ACACA: variants seen among roughly 807,000 people sequenced by gnomAD.
ACACA encodes the protein acetyl-CoA carboxylase 1.
Under a neutral mutation model 296.1 loss-of-function variants are expected in ACACA, and 103 were observed. That is an observed-to-expected ratio of 0.35 (90% CI 0.30 to 0.41). The LOEUF is 0.41. ACACA is among the 10% of genes least tolerant of loss of function. The probability of loss-of-function intolerance (pLI) is 1.00; values close to 1 mark genes in which losing one functional copy is unlikely to be tolerated. For synonymous variants in ACACA, 953 were observed against 1,038.6 expected, an observed-to-expected ratio of 0.92 and a Z score of 1.58; for missense variants, 1,554 against 2,989.7, an observed-to-expected ratio of 0.52 and a Z score of 11.20.
chr17:37,326,228 T>C (rs1267230743), intron 3 of ACACA, among the ~76,000 whole-genome samples: 1 of 123,760 alleles, frequency 8.1e-6, no homozygotes, highest in Non-Finnish European at 1.7e-5. Flanking sequence ...AAAAAAAAAA[T>C]GGCCAGGGTC....
chr17:37,190,210 C>T (rs2077695981), intron 38 of ACACA, among the ~76,000 whole-genome samples: 1 of 152,058 alleles, frequency 6.6e-6, no homozygotes, highest in Non-Finnish European at 1.5e-5. Context: ...AGGCAGATTA[C>T]TTGAGGTCAG....
At chr17:37,181,900 CAAAAAAAAAAAA>C (rs61045031) in intron 39 of ACACA, among the ~76,000 whole-genome samples, 701 of 22,250 alleles carry the variant, frequency 0.032, 8 homozygotes, top group African/African-American at 0.085. Context: ...ACTCTGTATC[CAAAAAAAAAAAA>C]AAAAAAAAAA....
At chr17:37,366,747 G>A (rs146992925) in intron 1 of ACACA, among the ~76,000 whole-genome samples, 3,758 of 151,650 alleles carry the variant, frequency 0.025, 58 homozygotes, top group Non-Finnish European at 0.037. Context: ...GATTACACAC[G>A]TGAGCCACTG....
intron 45 of ACACA, among the ~76,000 whole-genome samples, chr17:37,145,000 T>C (rs2075753863): frequency 6.6e-6 from 1 of 152,076 alleles, no homozygotes; most frequent in African/African-American, 2.4e-5. Flanking sequence ...GTGCTCTCTC[T>C]CCCCAAGTCT....
rs182763325 is a variant in ACACA at position 37,259,650 on chromosome 17, C to T, written c.1330-120G>A. Reference sequence around the variant, plus strand: ...AAGAGCCATCAAAAGCTTTTAGCCACATGAGAGCACATTTCTGATTATTAT... The same window carrying T: ...AAGAGCCATCAAAAGCTTTTAGCCATATGAGAGCACATTTCTGATTATTAT... On this transcript the variant is annotated intron_variant, in intron 11 of 55. Transcript: ENST00000616317. The T allele has an allele frequency of 1.2e-3, 1,180 of 982,226 alleles. 4 individuals are homozygous for T. Among genetic ancestry groups the T allele is most frequent in the Middle Eastern group, 2.7e-3 (13 of 4,878 alleles). 60.8% of individuals were successfully genotyped at this position (982,226 alleles called of 1,614,324 possible).
chr17:37,117,760 G>A (rs1026926465), intron 50 of ACACA, among the ~76,000 whole-genome samples: 1 of 150,066 alleles, frequency 6.7e-6, no homozygotes, highest in Non-Finnish European at 1.5e-5. Context: ...TTTACTGCTC[G>A]AATTAGACCT....
intron 8 of ACACA, 108 bp downstream of exon 8, chr17:37,275,843 A>G: frequency 1.1e-6 from 1 of 911,436 alleles, no homozygotes; most frequent in Non-Finnish European, 1.8e-6. Context: ...ATCAACCAGT[A>G]TTCCATTTCT....
intron 1 of ACACA, among the ~76,000 whole-genome samples, chr17:37,340,119 T>C (rs1329604036): frequency 1.3e-5 from 2 of 152,204 alleles, no homozygotes; most frequent in Non-Finnish European, 2.9e-5. Flanking sequence ...TTTCCAATTG[T>C]ATACTCGATG....
Position 37,241,950 on chromosome 17 carries a change from T to C in ACACA, c.3032+3A>G. 6.2e-7 allele frequency: 1 copy of C among 1,611,586 alleles called. No individual in the cohort carries two copies. Among genetic ancestry groups the C allele is most frequent in the Non-Finnish European group, 8.5e-7 (1 of 1,177,778 alleles). On this transcript the variant is annotated splice_donor_region_variant and intron_variant, in intron 23 of 55. Transcript: ENST00000616317. The stretch of plus-strand genomic sequence containing the variant: ...CTGGGAATCTGGAGTTACAAGTTAC[T>C]ACCTCTGTACCAGCTGAACAATGCT...
intron 1 of ACACA, among the ~76,000 whole-genome samples, chr17:37,342,919 T>C (rs36034193): frequency 0.5 from 76,216 of 151,956 alleles, 21,721 homozygotes; most frequent in East Asian, 0.75. Flanking sequence ...CAGAATGAGA[T>C]TTTGTCTCAA....
intron 52 of ACACA, among the ~76,000 whole-genome samples, chr17:37,104,103 C>T (rs918969447): frequency 7.2e-5 from 11 of 152,058 alleles, no homozygotes; most frequent in African/African-American, 1.4e-4. Context: ...AATACACTAA[C>T]GATAGCCAAT....
Position 37,132,175 on chromosome 17 carries a change from G to T in ACACA, c.5680-1957C>A, listed in dbSNP as rs148191187. ...CATTACAAAATAAACTCATAACTTT[G>T]ACATTCTAGCAAATACACGCCGTTT... On this transcript the variant is annotated intron_variant, in intron 45 of 55. Coordinates refer to ENST00000616317, the MANE Select transcript of ACACA (RefSeq NM_198834.3). Among the ~76,000 whole-genome samples the T allele has an allele frequency of 3.7e-3, 562 of 152,230 alleles. 4 individuals are homozygous for T. Among genetic ancestry groups the T allele is most frequent in the Admixed American group, 0.025 (382 of 15,292 alleles).
At chr17:37,163,058 C>T (rs2076525314) in intron 41 of ACACA, 1 of 155,068 alleles carries the variant, frequency 6.4e-6, no homozygotes. Context: ...ACTCCGAGAT[C>T]AAGTTCCCAC....
chr17:37,314,438 T>C (rs538059374), intron 3 of ACACA, among the ~76,000 whole-genome samples: 2 of 152,202 alleles, frequency 1.3e-5, no homozygotes, highest in African/African-American at 4.8e-5. Context: ...TTTCCATTTG[T>C]ACAACTTTAA....
intron 3 of ACACA, chr17:37,289,488 T>C: frequency 7.4e-7 from 1 of 1,352,038 alleles, no homozygotes. Flanking sequence ...TCTTCAACCC[T>C]CTAGGCACCT....
Position 37,144,485 on chromosome 17 carries a change from G to A in ACACA, c.5679+5379C>T, listed in dbSNP as rs191183656. On this transcript the variant is annotated intron_variant, in intron 45 of 55. Transcript: ENST00000616317. Reference sequence around the variant, plus strand: ...TGACTTTCATGCTGTGTTTCACAGAGTCATGGGTGGGTGAGCATGGAGACT... The same window carrying A: ...TGACTTTCATGCTGTGTTTCACAGAATCATGGGTGGGTGAGCATGGAGACT... 554 of 244,880 alleles carry A rather than the reference G, an allele frequency of 2.3e-3. 6 individuals are homozygous for A. Among genetic ancestry groups the A allele is most frequent in the Middle Eastern group, 0.019 (13 of 674 alleles). 15.2% of individuals were successfully genotyped at this position (244,880 alleles called of 1,614,324 possible). A position where few individuals can be genotyped will look rare whatever the true frequency, so the allele number is the denominator to read the frequency against.
Position 37,207,806 on chromosome 17 carries a change from T to C in ACACA, c.3708-6A>G, listed in dbSNP as rs909103170. The stretch of plus-strand genomic sequence containing the variant: ...GGTTGGAGGAGAAGGACATTCTAAA[T>C]GGTAATTCAATCACGTTCATTAGAC... On this transcript the variant is annotated splice_polypyrimidine_tract_variant and splice_region_variant and intron_variant, in intron 30 of 55. Transcript: ENST00000616317. 11 of 1,613,588 alleles carry C rather than the reference T, an allele frequency of 6.8e-6. No homozygotes were observed. The highest frequency in any genetic ancestry group is 3.3e-4 in the Middle Eastern group (2 of 6,084).
intron 2 of ACACA, among the ~76,000 whole-genome samples, chr17:37,335,869 G>C: frequency 6.6e-6 from 1 of 152,198 alleles, no homozygotes; most frequent in Non-Finnish European, 1.5e-5. Flanking sequence ...TTTATTTTTA[G>C]AGGAAAAATG....
chr17:37,114,242 T>C (rs188640160), intron 50 of ACACA, among the ~76,000 whole-genome samples: 1 of 152,200 alleles, frequency 6.6e-6, no homozygotes, highest in African/African-American at 2.4e-5. Flanking sequence ...TTCATTCTGC[T>C]AAAGACTACA....
Sources: gnomAD v4.1 joint callset for allele counts (sites outside exome capture counted in the v4.1 genomes callset) on GRCh38, gnomAD v4.1.1 for gene constraint, MANE v1.5 for transcripts, NCBI Gene and HGNC (gene_info 2026-07-23, HGNC 2026-07-21) for gene names.